HMCN1: variants seen among roughly 807,000 people sequenced by gnomAD.
The protein encoded by HMCN1 is hemicentin 1.
A neutral mutation model predicts 625.9 loss-of-function variants in HMCN1; 321 were observed. The observed-to-expected ratio is 0.51, with a 90% CI of 0.47 to 0.56. The LOEUF is 0.56. HMCN1 is among the 20% of genes least tolerant of loss of function. The pLI, the probability that HMCN1 is intolerant of heterozygous loss-of-function variation, is 0.00. For missense variants in HMCN1, 6,588 were observed against 6,887.3 expected, an observed-to-expected ratio of 0.96 and a Z score of 1.54; for synonymous variants, 2,425 against 2,417.6, an observed-to-expected ratio of 1.00 and a Z score of -0.09.
chr1:186,094,441 A>C, intron 67 of HMCN1, 68 bp downstream of exon 67: 1 of 1,112,408 alleles, frequency 9.0e-7, no homozygotes, highest in South Asian at 1.3e-5. Context: ...TTATCTTTAG[A>C]AACCGACTTC....
Position 186,166,850 on chromosome 1 carries a change from G to A in HMCN1, c.15482G>A (p.Gly5161Asp). The A allele has an allele frequency of 6.2e-7, 1 of 1,614,154 alleles. No individual in the cohort carries two copies. The highest frequency in any genetic ancestry group is 8.5e-7 in the Non-Finnish European group (1 of 1,180,016). ...CALGRHTCHA[G>D]QDCDNTIGSY... ...TTGGGTAGGCATACCTGCCACGCTG[G>A]TCAGGACTGTGACAATACGATTGGA... The change falls in exon 100 of 107, where the codon GGT becomes GAT. Residue 5161 changes from glycine to aspartate, a missense_variant. This residue lies in a region of HMCN1 where 1,954 missense variants were observed against 2,013.1 expected (regional missense o/e 0.97). Coordinates refer to ENST00000271588, the MANE Select transcript of HMCN1 (RefSeq NM_031935.3).
chr1:186,164,227 A>T (rs975359652), intron 97 of HMCN1, among the ~76,000 whole-genome samples: 1 of 147,782 alleles, frequency 6.8e-6, no homozygotes, highest in Non-Finnish European at 1.5e-5. Flanking sequence ...TGTTTCTGAC[A>T]TCTAACTTAA....
chr1:186,156,993 C>T (rs1176848179), intron 97 of HMCN1, among the ~76,000 whole-genome samples: 4 of 152,102 alleles, frequency 2.6e-5, no homozygotes, highest in Non-Finnish European at 5.9e-5. Context: ...ATAAGAAAAT[C>T]TTTACACCCA....
chr1:186,022,073 A>G (rs927622762), intron 35 of HMCN1, among the ~76,000 whole-genome samples: 2 of 152,060 alleles, frequency 1.3e-5, no homozygotes, highest in East Asian at 3.9e-4. Flanking sequence ...TACAAGGGAA[A>G]ATATATGAGC....
chr1:185,923,511 A>T lies in HMCN1; in HGVS notation c.1143A>T (p.Pro381=), dbSNP rs766163275. The T allele has an allele frequency of 9.3e-6, 15 of 1,612,480 alleles. No individual in the cohort carries two copies. The highest frequency in any genetic ancestry group is 2.7e-5 in the African/African-American group (2 of 74,876). ...AGACTATTCCTGTTAAATATTACCC[A>T]CATCGAAAACCTTATGGCATATGGA... is the stretch of plus-strand genomic sequence containing the variant. ...SLKTIPVKYY[P]HRKPYGIWNI... The change falls in exon 8 of 107, where the codon CCA becomes CCT. Residue 381 remains proline, a synonymous_variant. Transcript: ENST00000271588.
At chr1:185,803,205 C>CTAAAAAAAAAAAAAAAAAAAAAAAAAAA (rs1658922262) in intron 1 of HMCN1, among the ~76,000 whole-genome samples, 2 of 58,756 alleles carry the variant, frequency 3.4e-5, no homozygotes, top group Non-Finnish European at 4.2e-5. Flanking sequence ...AAAAAAAAAG[C>CTAAAAAAAAAAAAAAAAAAAAAAAAAAA]AAAAAAAAAA....
Position 186,070,600 on chromosome 1 carries a change from T to C in HMCN1, c.7994-12T>C. On this transcript the variant is annotated splice_polypyrimidine_tract_variant and intron_variant, in intron 51 of 106. Coordinates refer to ENST00000271588, the MANE Select transcript of HMCN1 (RefSeq NM_031935.3). ...AACCAATGTCTAACTCTTTAATATT[T>C]ATTTTATGCAGTTCCACCCATAATC... 1 of 1,607,496 alleles carries C rather than the reference T, an allele frequency of 6.2e-7. No individual in the cohort carries two copies. Among genetic ancestry groups the C allele is most frequent in the Admixed American group, 1.7e-5 (1 of 59,982 alleles).
intron 14 of HMCN1, among the ~76,000 whole-genome samples, chr1:185,968,891 AG>A (rs1650607855): frequency 6.6e-6 from 1 of 152,202 alleles, no homozygotes; most frequent in African/African-American, 2.4e-5. Flanking sequence ...GTAGAAATCA[AG>A]AAAGGAGAAT....
At chr1:186,046,572 C>A (rs1464498639) in intron 41 of HMCN1, among the ~76,000 whole-genome samples, 1 of 152,038 alleles carries the variant, frequency 6.6e-6, no homozygotes, top group Non-Finnish European at 1.5e-5. Flanking sequence ...TTGAAAAATG[C>A]AATGAGTACT....
chr1:186,119,735 T>A lies in HMCN1; in HGVS notation c.11957-10T>A. 6.2e-7 allele frequency: 1 copy of A among 1,613,836 alleles called. No homozygotes were observed. Among genetic ancestry groups the A allele is most frequent in the South Asian group, 1.1e-5 (1 of 91,070 alleles). On this transcript the variant is annotated splice_polypyrimidine_tract_variant and intron_variant, in intron 78 of 106. Transcript: ENST00000271588. ...CTATTACTTCTTTTTGTTGATTGGT[T>A]TTTTTATAGAGCCTCCAGTCATTCA...
At chr1:185,965,478 C>G (rs1650339507) in intron 13 of HMCN1, among the ~76,000 whole-genome samples, 1 of 151,926 alleles carries the variant, frequency 6.6e-6, no homozygotes, top group Non-Finnish European at 1.5e-5. Context: ...AAGATGTATT[C>G]TGATTTCTAA....
At chr1:185,828,087 AAAGTT>A (rs762643761) in intron 1 of HMCN1, among the ~76,000 whole-genome samples, 11 of 152,312 alleles carry the variant, frequency 7.2e-5, no homozygotes, top group Admixed American at 4.6e-4. Context: ...TTTTAGAAGA[AAAGTT>A]AAGCAAGAGG....
At chr1:186,054,942 C>T (rs1657214917) in intron 44 of HMCN1, among the ~76,000 whole-genome samples, 1 of 152,030 alleles carries the variant, frequency 6.6e-6, no homozygotes, top group African/African-American at 2.4e-5. Context: ...TGTGGTTACC[C>T]CAGTTTTCCA....
chr1:185,757,269 A>C (rs1655193439), intron 1 of HMCN1, among the ~76,000 whole-genome samples: 1 of 152,136 alleles, frequency 6.6e-6, no homozygotes, highest in Non-Finnish European at 1.5e-5. Flanking sequence ...CACTGTGCCC[A>C]GCTATAATTT....
chr1:186,056,139 A>T (rs1348787051), intron 45 of HMCN1, among the ~76,000 whole-genome samples: 1 of 152,028 alleles, frequency 6.6e-6, no homozygotes, highest in Admixed American at 6.6e-5. Flanking sequence ...ACATACACAT[A>T]CACAGGGACA....
chr1:186,053,359 C>T (rs886348926), intron 43 of HMCN1, among the ~76,000 whole-genome samples: 4 of 151,910 alleles, frequency 2.6e-5, no homozygotes, highest in Non-Finnish European at 4.4e-5. Flanking sequence ...CTATAAACAT[C>T]GAGAATCCGT....
intron 1 of HMCN1, among the ~76,000 whole-genome samples, chr1:185,742,976 GT>G (rs145065525): frequency 5.9e-5 from 9 of 152,152 alleles, no homozygotes; most frequent in African/African-American, 2.2e-4. Context: ...AAGAAATGAT[GT>G]TTTTCCCCCC....
chr1:185,853,616 G>A (rs960927175), intron 2 of HMCN1, among the ~76,000 whole-genome samples: 12 of 152,108 alleles, frequency 7.9e-5, no homozygotes, highest in African/African-American at 2.2e-4. Context: ...TAGAGACTGC[G>A]ACAAGACAGT....
In HMCN1 at chr1:185,990,315, G is replaced by C. The variant is rs1652333404; in HGVS notation, c.3249G>C (p.Gln1083His). 1 of 1,613,962 alleles carries C rather than the reference G, an allele frequency of 6.2e-7. No homozygotes were observed. The highest frequency in any genetic ancestry group is 1.3e-5 in the African/African-American group (1 of 74,932). ...TTGGAGATCAACGAGGACTGTCCCA[G>C]GATAAGCCTGTTGAGATCTCCGTCC... The part of the protein sequence containing the change: ...RVFGDQRGLS[Q>H]DKPVEISVLA... The change falls in exon 22 of 107, where the codon CAG becomes CAC. Residue 1083 changes from glutamine to histidine, a missense_variant. Gln to His is a conservative substitution (Grantham distance 24). Transcript: ENST00000271588.
Sources: gnomAD v4.1 joint callset for allele counts (sites outside exome capture counted in the v4.1 genomes callset) on GRCh38, gnomAD v4.1.1 for gene constraint, gnomAD v4.1.1 regional missense constraint, MANE v1.5 for transcripts, NCBI Gene and HGNC (gene_info 2026-07-23, HGNC 2026-07-21) for gene names.